The following LARGE2 variants were observed in gnomAD, a reference collection of about 807,000 sequenced individuals.
LARGE2 encodes LARGE xylosyl- and glucuronyltransferase 2.
LARGE2 carries 63 observed loss-of-function variants against 75.3 expected under a neutral mutation model. The ratio of observed to expected loss-of-function variants is 0.84; its 90% CI spans 0.68 to 1.03. The LOEUF (loss-of-function observed/expected upper bound fraction) is 1.03. Among genes scored for constraint, LARGE2 ranks in the 50% least tolerant of loss-of-function variants. The probability of loss-of-function intolerance (pLI) is 0.00; values close to 1 mark genes in which losing one functional copy is unlikely to be tolerated. For missense variants in LARGE2, 925 were observed against 980.6 expected, an observed-to-expected ratio of 0.94 and a Z score of 0.76; for synonymous variants, 428 against 420.1, an observed-to-expected ratio of 1.02 and a Z score of -0.23.
In LARGE2 at chr11:45,928,628, A is replaced by G. The variant is rs773099178; in HGVS notation, c.1951-2A>G. 6.2e-7 allele frequency: 1 copy of G among 1,612,674 alleles called. No individual in the cohort carries two copies. Among genetic ancestry groups the G allele is most frequent in the Non-Finnish European group, 8.5e-7 (1 of 1,178,942 alleles). ...CCACTGCTCCTCTGCCCCACCCTGCAGGAATATGAGCTCCTGGTGCTGCCC... is the reference window on the plus strand; with the variant it reads ...CCACTGCTCCTCTGCCCCACCCTGCGGGAATATGAGCTCCTGGTGCTGCCC... On this transcript the variant is annotated splice_acceptor_variant, in intron 13 of 13. Coordinates refer to ENST00000401752, the MANE Select transcript of LARGE2 (RefSeq NM_001300721.2). LOFTEE classifies it high-confidence loss of function.
chr11:45,927,006 C>T, intron 10 of LARGE2, 135 bp downstream of exon 10: 1 of 993,478 alleles, frequency 1.0e-6, no homozygotes, highest in Non-Finnish European at 1.4e-6. Flanking sequence ...AAGTTGGAGA[C>T]ATTGGATATG....
chr11:45,923,669 C>CCG, intron 3 of LARGE2, 114 bp downstream of exon 3: 1 of 920,582 alleles, frequency 1.1e-6, no homozygotes, highest in Non-Finnish European at 1.7e-6. Flanking sequence ...GACAGTGTCC[C>CCG]CTTCCTCCCT....
chr11:45,924,695 C>G lies in LARGE2; in HGVS notation c.664+18C>G, dbSNP rs1269042964. On this transcript the variant is annotated intron_variant, in intron 5 of 13. Coordinates refer to ENST00000401752, the MANE Select transcript of LARGE2 (RefSeq NM_001300721.2). ...CTTTTCTGGTGAGAGGCCTGGGAGC[C>G]TGCCTGGCCTGCCCAGGATCCCTGC... is the stretch of plus-strand genomic sequence containing the variant. The G allele has an allele frequency of 1.9e-6, 3 of 1,592,230 alleles. No homozygotes were observed. Among genetic ancestry groups the G allele is most frequent in the South Asian group, 2.3e-5 (2 of 88,172 alleles).
intron 5 of LARGE2, 40 bp from the exon 6 acceptor site, chr11:45,924,745 T>C (rs376397657): frequency 2.0e-6 from 3 of 1,532,088 alleles, no homozygotes; most frequent in African/African-American, 2.7e-5. Flanking sequence ...CCAGGTCCTG[T>C]GGCAGCTTCA....
At position 45,924,170 on chromosome 11, in the gene LARGE2, C is replaced by A; in HGVS notation, c.385C>A (p.Leu129Ile). 1 of 1,612,260 alleles carries A rather than the reference C, an allele frequency of 6.2e-7. No individual in the cohort carries two copies. The highest frequency in any genetic ancestry group is 1.1e-5 in the South Asian group (1 of 91,086). ...MLFYRKNPLH[L>I]HLVTDAVARN... ...ACCCAAAAGGAAAAATCCACTGCACCTCCACTTGGTGACTGACGCCGTGGC... is the reference window on the plus strand; with the variant it reads ...ACCCAAAAGGAAAAATCCACTGCACATCCACTTGGTGACTGACGCCGTGGC... Residue 129 changes from leucine (L) to isoleucine (I), a missense_variant, in exon 4 of 14, where the codon CTC (leucine) becomes ATC (isoleucine). Around this residue, in one of 3 missense-constraint regions of LARGE2, gnomAD observed 453 missense variants for 460.2 expected, o/e 0.98. Coordinates refer to ENST00000401752, the MANE Select transcript of LARGE2 (RefSeq NM_001300721.2).
rs373632652 is a variant in LARGE2, at chr11:45,928,823, C to A, written c.2144C>A (p.Pro715His). Residue 715 changes from proline (P) to histidine (H), a missense_variant, in exon 14 of 14, where the codon CCC becomes CAC. Physicochemically the swap from Pro to His is moderately conservative, Grantham distance 77 (BLOSUM62 -2). Around this residue, in one of 3 missense-constraint regions of LARGE2, gnomAD observed 469 missense variants for 503.8 expected, o/e 0.93. Transcript: ENST00000401752. ...ALKYLPALQQ[P>H]QSPARG ...AAATACCTCCCAGCCCTGCAGCAGC[C>A]CCAGAGCCCTGCCCGAGGCTGAGGC... The A allele has an allele frequency of 1.4e-5, 23 of 1,613,384 alleles. No individual in the cohort carries two copies. The African/African-American group carries it at 3.1e-4, about 21-fold the overall frequency.
chr11:45,926,039 G>C lies in LARGE2; in HGVS notation c.770G>C (p.Gly257Ala), dbSNP rs747133536. 6.4e-7 allele frequency: 1 copy of C among 1,554,662 alleles called. No homozygotes were observed. Among genetic ancestry groups the C allele is most frequent in the Non-Finnish European group, 8.7e-7 (1 of 1,148,468 alleles). ...WPALGRGFNT[G>A]VILLRLDRLR... ...CATGACAGCATCTCTTCATTGGCAG[G>C]TGTGATCCTGCTGCGGCTGGACCGG... Residue 257 changes from glycine to alanine, a missense_variant and splice_region_variant, in exon 7 of 14, where the codon GGT becomes GCT. Gly to Ala is a moderately conservative substitution (Grantham distance 60). Around this residue, in one of 3 missense-constraint regions of LARGE2, gnomAD observed 453 missense variants for 460.2 expected, o/e 0.98. Coordinates refer to ENST00000401752, the MANE Select transcript of LARGE2 (RefSeq NM_001300721.2).
In LARGE2 at chr11:45,927,484, T is replaced by C. The variant is rs768341355; in HGVS notation, c.1495T>C (p.Tyr499His). 1.9e-6 allele frequency: 3 copies of C among 1,614,210 alleles called. No individual in the cohort carries two copies. The South Asian group carries it at 3.3e-5, about 18-fold the overall frequency. The change falls in exon 11 of 14, where the codon TAC becomes CAC. Residue 499 changes from tyrosine to histidine, a missense_variant. Physicochemically the swap from Tyr to His is moderately conservative, Grantham distance 83. This residue lies in a region of LARGE2 where 469 missense variants were observed against 503.8 expected (regional missense o/e 0.93). Transcript: ENST00000401752. ...TGTGGTGTACCGTGAGGGGCCCCTA[T>C]ACCCCGTCAACCAGCTTCGCAACGT... ...YHVVYREGPL[Y>H]PVNQLRNVAL...
Position 45,924,800 on chromosome 11 carries a change from G to C in LARGE2, c.680G>C (p.Gly227Ala), listed in dbSNP as rs975853295. 1 of 1,512,894 alleles carries C rather than the reference G, an allele frequency of 6.6e-7. No individual in the cohort carries two copies. Among genetic ancestry groups the C allele is most frequent in the Non-Finnish European group, 8.9e-7 (1 of 1,129,054 alleles). The allele number at this position is 1,512,894 out of a possible 1,614,324, so 93.7% of individuals were successfully genotyped here. A position where few individuals can be genotyped will look rare whatever the true frequency, so the allele number is the denominator to read the frequency against. ...FAHFSDTQAI[G>A]LVENQSDWYL... Reference sequence around the variant, plus strand: ...CCCCTCCCAGACACGCAGGCGATCGGTCTTGTGGAGAACCAGAGTGACTGG... The same window carrying C: ...CCCCTCCCAGACACGCAGGCGATCGCTCTTGTGGAGAACCAGAGTGACTGG... Residue 227 changes from glycine (G) to alanine (A), a missense_variant, in exon 6 of 14, where the codon GGT becomes GCT. This residue lies in a region of LARGE2 where 453 missense variants were observed against 460.2 expected (regional missense o/e 0.98). Transcript: ENST00000401752.
Position 45,926,274 on chromosome 11 carries a change from C to T in LARGE2, c.935C>T (p.Pro312Leu). 6.2e-7 allele frequency: 1 copy of T among 1,614,176 alleles called. No homozygotes were observed. The highest frequency in any genetic ancestry group is 8.5e-7 in the Non-Finnish European group (1 of 1,180,032). The change falls in exon 8 of 14, where the codon CCT becomes CTT. Residue 312 changes from proline (P) to leucine (L), a missense_variant. Pro to Leu is a moderately conservative substitution (Grantham distance 98). Transcript: ENST00000401752. ...KEHPGLVQRL[P>L]CVWNVQLSDH... is the part of the protein sequence containing the mutation. Reference sequence around the variant, plus strand: ...CACCCGGGGCTAGTGCAGCGTCTGCCTTGTGTCTGGAATGTGCAGCTGTCA... The same window carrying T: ...CACCCGGGGCTAGTGCAGCGTCTGCTTTGTGTCTGGAATGTGCAGCTGTCA...
chr11:45,924,300 C>G lies in LARGE2; in HGVS notation c.492+23C>G, dbSNP rs201331952. The G allele has an allele frequency of 6.1e-5, 98 of 1,611,166 alleles. No individual in the cohort carries two copies. The Middle Eastern group carries it at 1.3e-3, about 22-fold the overall frequency. ...AAGGCAGGGGCCCAGCCCTTCCCCC[C>G]TCCCCTCAGCTGTGTCCACCGCTCT... On this transcript the variant is annotated intron_variant, in intron 4 of 13. Coordinates refer to ENST00000401752, the MANE Select transcript of LARGE2 (RefSeq NM_001300721.2).
At chr11:45,921,960 G>GT (rs1238795909), upstream of LARGE2, among the ~76,000 whole-genome samples, 5 of 152,170 alleles carry the variant, frequency 3.3e-5, no homozygotes, top group Non-Finnish European at 7.4e-5. Context: ...CTGCTATGGG[G>GT]TGCGCGGGGG....
At position 45,926,115 on chromosome 11, in the gene LARGE2, G is replaced by T. The variant is rs148388283; in HGVS notation, c.846G>T (p.Glu282Asp). 2 of 1,571,470 alleles carry T rather than the reference G, an allele frequency of 1.3e-6. No homozygotes were observed. The highest frequency in any genetic ancestry group is 1.7e-6 in the Non-Finnish European group (2 of 1,158,646). Reference protein sequence around the residue: ...EQMWRLTARRELLSLPATSLA... With the variant: ...EQMWRLTARRDLLSLPATSLA... ...TGTGGAGGCTGACAGCCAGGCGGGAGCTCCTTAGCCTGCCTGCCACCTCAC... is the reference window on the plus strand; with the variant it reads ...TGTGGAGGCTGACAGCCAGGCGGGATCTCCTTAGCCTGCCTGCCACCTCAC... Residue 282 changes from glutamate (E) to aspartate (D), a missense_variant, in exon 7 of 14, where the codon GAG becomes GAT. Coordinates refer to ENST00000401752, the MANE Select transcript of LARGE2 (RefSeq NM_001300721.2).
Position 45,928,845 on chromosome 11 carries a change from A to C in LARGE2, c.2166A>C (p.Ter722CysextTer79). 6.2e-7 allele frequency: 1 copy of C among 1,613,034 alleles called. No individual in the cohort carries two copies. Among genetic ancestry groups the C allele is most frequent in the Non-Finnish European group, 8.5e-7 (1 of 1,179,838 alleles). ...AGCCCCAGAGCCCTGCCCGAGGCTG[A>C]GGCTGGGCCGGCGCTGCCCCTCATC... ...LQQPQSPARG[*>C] The change falls in exon 14 of 14, where the codon TGA becomes TGC. Residue 722 changes from the stop codon to cysteine (C), a stop_lost. Coordinates refer to ENST00000401752, the MANE Select transcript of LARGE2 (RefSeq NM_001300721.2).
At position 45,927,938 on chromosome 11, in the gene LARGE2, G is replaced by A; in HGVS notation, c.1623G>A (p.Leu541=). The A allele has an allele frequency of 1.2e-6, 2 of 1,613,420 alleles. No homozygotes were observed. Among genetic ancestry groups the A allele is most frequent in the Non-Finnish European group, 1.7e-6 (2 of 1,179,904 alleles). ...YDYLRASIEQ[L]GLGSRRKAAL... ...TCCTCAGGGCCTCCATTGAGCAGCT[G>A]GGGCTGGGCAGCCGGCGCAAGGCAG... Residue 541 remains leucine (L), a synonymous_variant, in exon 12 of 14, where the codon CTG becomes CTA. Transcript: ENST00000401752.
chr11:45,926,581 CA>C lies in LARGE2; in HGVS notation c.1149del (p.Pro384LeufsTer74). 2 of 1,614,136 alleles carry C rather than the reference CA, an allele frequency of 1.2e-6. No individual in the cohort carries two copies. The highest frequency in any genetic ancestry group is 1.7e-6 in the Non-Finnish European group (2 of 1,180,036). On this transcript the variant is annotated frameshift_variant, in exon 9 of 14. Transcript: ENST00000401752. LOFTEE classifies it high-confidence loss of function. Reference protein sequence around the residue: ...RELFVCPSQPPPGAEQLQQAL... With the variant: ...RELFVCPSQPXPGAEQLQQAL... ...CTCTTTGTGTGCCCCAGCCAGCCCC[CA>C]CCTGGTGCTGAGCAGGTGAGAAGGA... is the stretch of plus-strand genomic sequence containing the variant.
intron 3 of LARGE2, 31 bp from the exon 4 acceptor site, chr11:45,924,123 C>T (rs769279795): frequency 1.2e-6 from 2 of 1,604,494 alleles, no homozygotes; most frequent in East Asian, 4.5e-5. Context: ...CTGCTGGGGC[C>T]TCTCAGGCTT....
intron 10 of LARGE2, 33 bp from the exon 11 acceptor site, chr11:45,927,282 G>T: frequency 6.3e-7 from 1 of 1,593,814 alleles, no homozygotes; most frequent in Non-Finnish European, 8.5e-7. Flanking sequence ...GTGCAAGAGG[G>T]GCAGAGCTGT....
chr11:45,928,864 C>A lies in LARGE2; in HGVS notation c.*19C>A. On this transcript the variant is annotated 3_prime_UTR_variant, in exon 14 of 14. Transcript: ENST00000401752. The stretch of plus-strand genomic sequence containing the variant: ...AGGCTGAGGCTGGGCCGGCGCTGCC[C>A]CTCATCTTAGCATTGGGCAGACACC... The A allele has an allele frequency of 6.2e-7, 1 of 1,612,190 alleles. No individual in the cohort carries two copies. The highest frequency in any genetic ancestry group is 1.1e-5 in the South Asian group (1 of 90,960).
Sources: gnomAD v4.1 joint callset for allele counts (sites outside exome capture counted in the v4.1 genomes callset) on GRCh38, gnomAD v4.1.1 for gene constraint, gnomAD v4.1.1 regional missense constraint, MANE v1.5 for transcripts, NCBI Gene and HGNC (gene_info 2026-07-23, HGNC 2026-07-21) for gene names.